Variants in LAMA2 observed in about 807,000 individuals in gnomAD.
LAMA2 encodes the protein laminin subunit alpha 2.
Under a neutral mutation model 364.8 loss-of-function variants are expected in LAMA2, and 269 were observed. The observed-to-expected ratio is 0.74, with a 90% CI of 0.67 to 0.82. The LOEUF is 0.82. Ranked by LOEUF, LAMA2 falls within the 40% of genes least tolerant of loss-of-function variation. The pLI, the probability that LAMA2 is intolerant of heterozygous loss-of-function variation, is 0.00. For synonymous variants in LAMA2, 1,379 were observed against 1,370.6 expected (o/e 1.01, Z -0.14); for missense variants, 3,807 against 3,873.2 (o/e 0.98, Z 0.45).
intron 2 of LAMA2, among the ~76,000 whole-genome samples, chr6:129,058,952 C>G (rs916983466): frequency 6.6e-6 from 1 of 152,248 alleles, no homozygotes; most frequent in Middle Eastern, 3.4e-3. Context: ...CTACAATGGC[C>G]TGGGACAAAG....
intron 1 of LAMA2, among the ~76,000 whole-genome samples, chr6:129,046,427 G>C (rs981186487): frequency 6.6e-6 from 1 of 152,220 alleles, no homozygotes; most frequent in African/African-American, 2.4e-5. Flanking sequence ...TGGCAGGCAA[G>C]AGAGCATGTG....
At chr6:129,023,547 G>A (rs1483340165) in intron 1 of LAMA2, among the ~76,000 whole-genome samples, 2 of 152,182 alleles carry the variant, frequency 1.3e-5, no homozygotes, top group African/African-American at 4.8e-5. Context: ...CTGAGTGTCA[G>A]CAAAGACGCC....
At chr6:129,103,936 A>T (rs1003759025) in intron 4 of LAMA2, among the ~76,000 whole-genome samples, 2 of 152,160 alleles carry the variant, frequency 1.3e-5, no homozygotes, top group Admixed American at 1.3e-4. Context: ...ATTTTCTTCC[A>T]GACCTTCAAA....
chr6:128,939,078 T>G (rs1480053233), intron 1 of LAMA2, among the ~76,000 whole-genome samples: 2 of 152,218 alleles, frequency 1.3e-5, no homozygotes, highest in African/African-American at 2.4e-5. Flanking sequence ...TCAAAGGTTC[T>G]GCAACTTTTC....
chr6:129,312,189 A>G (rs1774270847), intron 22 of LAMA2, among the ~76,000 whole-genome samples: 1 of 152,082 alleles, frequency 6.6e-6, no homozygotes, highest in East Asian at 1.9e-4. Flanking sequence ...AGAAAATTCT[A>G]GCAAAAATAT....
chr6:129,124,849 G>A (rs901315267), intron 4 of LAMA2, among the ~76,000 whole-genome samples: 5 of 152,156 alleles, frequency 3.3e-5, no homozygotes, highest in Admixed American at 3.3e-4. Context: ...CACGTTAAGT[G>A]TCATTCCTGT....
At chr6:129,100,154 A>G (rs1775439266) in intron 4 of LAMA2, among the ~76,000 whole-genome samples, 1 of 152,218 alleles carries the variant, frequency 6.6e-6, no homozygotes, top group Non-Finnish European at 1.5e-5. Flanking sequence ...CTCTCCCTTC[A>G]TTAATAATGG....
chr6:129,168,926 A>G (rs1468659821), intron 9 of LAMA2, among the ~76,000 whole-genome samples: 1 of 151,560 alleles, frequency 6.6e-6, no homozygotes, highest in Non-Finnish European at 1.5e-5. Flanking sequence ...TCTTTGAAGC[A>G]ATTGTGAATG....
At chr6:129,421,827 C>T (rs1167799569) in intron 40 of LAMA2, among the ~76,000 whole-genome samples, 2 of 152,040 alleles carry the variant, frequency 1.3e-5, no homozygotes, top group Non-Finnish European at 2.9e-5. Context: ...TTTTTAACCT[C>T]TCAATTCCAC....
intron 1 of LAMA2, among the ~76,000 whole-genome samples, chr6:128,900,362 T>A (rs1777012957): frequency 6.6e-6 from 1 of 152,152 alleles, no homozygotes; most frequent in South Asian, 2.1e-4. Context: ...CCCAGGTCTG[T>A]TTTGTTACTA....
At chr6:129,370,766 TGA>T (rs1390911173) in intron 34 of LAMA2, among the ~76,000 whole-genome samples, 56 of 152,308 alleles carry the variant, frequency 3.7e-4, no homozygotes, top group African/African-American at 1.3e-3. Flanking sequence ...GCCATGACAG[TGA>T]AACGAATTAA....
intron 47 of LAMA2, among the ~76,000 whole-genome samples, chr6:129,455,073 G>C (rs994280153): frequency 6.6e-6 from 1 of 152,004 alleles, no homozygotes; most frequent in African/African-American, 2.4e-5. Flanking sequence ...ATAATAAAAA[G>C]TTTAAAAGAA....
intron 35 of LAMA2, 47 bp downstream of exon 35, chr6:129,383,280 AAC>A (rs1778799124): frequency 7.1e-7 from 1 of 1,407,010 alleles, no homozygotes; most frequent in South Asian, 1.2e-5. Flanking sequence ...CCAACAGAAA[AAC>A]ACAGAAAGGG....
intron 41 of LAMA2, among the ~76,000 whole-genome samples, chr6:129,430,747 G>C (rs1781548626): frequency 6.6e-6 from 1 of 152,140 alleles, no homozygotes; most frequent in African/African-American, 2.4e-5. Context: ...AGGCAGAGAA[G>C]TGGGAGAATA....
chr6:129,083,076 TCACACACA>T (rs10553801), intron 3 of LAMA2, among the ~76,000 whole-genome samples: 5 of 149,632 alleles, frequency 3.3e-5, no homozygotes, highest in African/African-American at 9.8e-5. Flanking sequence ...TCTCCTCTGC[TCACACACA>T]CACACACACA....
At chr6:129,198,806 A>C (rs957316141) in intron 12 of LAMA2, among the ~76,000 whole-genome samples, 3 of 152,172 alleles carry the variant, frequency 2.0e-5, no homozygotes, top group Admixed American at 1.3e-4. Context: ...AACTTAAAAA[A>C]ACTGACTCAA....
chr6:129,363,910 G>A (rs994195409), intron 32 of LAMA2, among the ~76,000 whole-genome samples: 9 of 152,208 alleles, frequency 5.9e-5, no homozygotes, highest in African/African-American at 1.7e-4. Flanking sequence ...TGCATTGAAC[G>A]GGGCTATGAA....
At position 129,320,570 on chromosome 6, in the gene LAMA2, A is replaced by G; in HGVS notation, c.4091A>G (p.Gln1364Arg). ...GAAATCTCAATGGAGGTAGCTGAAC[A>G]AGGACGTGGAACAACAATGACTCCT... The part of the protein sequence containing the change: ...ISEISMEVAE[Q>R]GRGTTMTPPA... Residue 1364 changes from glutamine to arginine, a missense_variant, in exon 28 of 65, where the codon CAA (glutamine) becomes CGA (arginine). By Grantham distance (43) the Gln-to-Arg change is conservative (BLOSUM62 1). Transcript: ENST00000421865. 2.5e-6 allele frequency: 4 copies of G among 1,612,864 alleles called. No homozygotes were observed. Among genetic ancestry groups the G allele is most frequent in the Non-Finnish European group, 3.4e-6 (4 of 1,178,902 alleles).
At chr6:129,321,263 AAATATT>A (rs1267528443) in intron 28 of LAMA2, among the ~76,000 whole-genome samples, 1 of 152,208 alleles carries the variant, frequency 6.6e-6, no homozygotes, top group Non-Finnish European at 1.5e-5. Context: ...TATAATTGTG[AAATATT>A]AATAGGAACA....
Sources: allele counts gnomAD v4.1 joint callset (sites outside exome capture counted in the v4.1 genomes callset), GRCh38; gene constraint gnomAD v4.1.1; transcripts MANE v1.5; gene names NCBI Gene and HGNC (gene_info 2026-07-23, HGNC 2026-07-21).